EPM2A: variants seen among roughly 807,000 people sequenced by gnomAD.
EPM2A encodes laforin.
In EPM2A, 21 loss-of-function variants were observed where a neutral mutation model predicts 26.5. That is an observed-to-expected ratio of 0.79 (90% confidence interval 0.56 to 1.14). EPM2A has a LOEUF of 1.14. Ranked by LOEUF, EPM2A falls within the 50% of genes most tolerant of loss-of-function variation. The pLI is 0.00. For synonymous variants in EPM2A, 217 were observed against 177.6 expected, an observed-to-expected ratio of 1.22 and a Z score of -1.76; for missense variants, 458 against 440.8, an observed-to-expected ratio of 1.04 and a Z score of -0.35.
exon 4 of EPM2A, chr6:145,501,678 T>A: frequency 2.4e-6 from 1 of 417,458 alleles, no homozygotes; most frequent in South Asian, 1.8e-5. Flanking sequence ...TTACGAAGAT[T>A]GTCCCACTAA....
chr6:145,627,556 C>G lies in EPM2A; in HGVS notation c.856G>C (p.Gly286Arg), dbSNP rs2128556101. 6.2e-7 allele frequency: 1 copy of G among 1,614,270 alleles called. No individual in the cohort carries two copies. The highest frequency in any genetic ancestry group is 8.5e-7 in the Non-Finnish European group (1 of 1,180,046). ...TACTGCACCTTCCTCAGATTCCAGCCCATCACATACTGGAGCCAGCCGCAG... is the reference window on the plus strand; with the variant it reads ...TACTGCACCTTCCTCAGATTCCAGCGCATCACATACTGGAGCCAGCCGCAG... Reference protein sequence around the residue: ...AVCGWLQYVMGWNLRKVQYFL... With the variant: ...AVCGWLQYVMRWNLRKVQYFL... Residue 286 changes from glycine (G) to arginine (R), a missense_variant, in exon 4 of 4, where the codon GGC becomes CGC. Transcript: ENST00000367519.
At chr6:145,529,675 T>C (rs192680467) in intron 2 of EPM2A, among the ~76,000 whole-genome samples, 32 of 152,276 alleles carry the variant, frequency 2.1e-4, no homozygotes, top group Admixed American at 2.0e-3. Flanking sequence ...ATGGCCTGGA[T>C]CCAAACCCAC....
chr6:145,475,495 G>A (rs1305065860), intron 4 of EPM2A, among the ~76,000 whole-genome samples: 1 of 151,984 alleles, frequency 6.6e-6, no homozygotes. Flanking sequence ...GATAGCATTA[G>A]GAGAAATATC....
chr6:145,408,853 T>C (rs1419917699), intron 4 of EPM2A, among the ~76,000 whole-genome samples: 2 of 152,046 alleles, frequency 1.3e-5, no homozygotes, highest in Non-Finnish European at 2.9e-5. Context: ...TTTAGTTGAG[T>C]CCTCTTTTAC....
chr6:145,552,032 T>C (rs920949117), intron 2 of EPM2A, among the ~76,000 whole-genome samples: 4 of 151,768 alleles, frequency 2.6e-5, no homozygotes, highest in African/African-American at 9.7e-5. Flanking sequence ...TAGATTCCTA[T>C]GAATACAGAA....
chr6:145,419,808 A>T (rs1778758743), intron 4 of EPM2A, among the ~76,000 whole-genome samples: 2 of 152,194 alleles, frequency 1.3e-5, no homozygotes, highest in African/African-American at 4.8e-5. Flanking sequence ...TGAATAATTT[A>T]CTAATAATTA....
chr6:145,687,657 T>C (rs702324), intron 1 of EPM2A, among the ~76,000 whole-genome samples: 95,956 of 151,934 alleles, frequency 0.63, 30,794 homozygotes, highest in East Asian at 0.77. Context: ...TTCTTTTCTC[T>C]TTGTTCTGTC....
intron 2 of EPM2A, among the ~76,000 whole-genome samples, chr6:145,548,297 T>A (rs1780611662): frequency 1.3e-5 from 2 of 152,130 alleles, no homozygotes; most frequent in African/African-American, 4.8e-5. Flanking sequence ...TAGAGACTCA[T>A]GAGAAAATGT....
In EPM2A at chr6:145,728,403, T is replaced by C. The variant is rs567059803; in HGVS notation, c.301+6795A>G. Among the ~76,000 whole-genome samples the C allele has an allele frequency of 3.9e-5, 6 of 152,318 alleles. No individual in the cohort carries two copies. The South Asian group carries it at 1.2e-3, about 32-fold the overall frequency. ...TGTGACCAAGATGCTGATACTGATA[T>C]GGACAGTGAAGTCCAGGCTGAGGTG... is the stretch of plus-strand genomic sequence containing the variant. On this transcript the variant is annotated intron_variant, in intron 1 of 3. Transcript: ENST00000367519.
chr6:145,408,957 G>T (rs978862554), intron 4 of EPM2A, among the ~76,000 whole-genome samples: 8 of 152,052 alleles, frequency 5.3e-5, no homozygotes, highest in African/African-American at 1.9e-4. Flanking sequence ...TGGGGTCTAG[G>T]TTTCAACAAA....
At chr6:145,684,069 C>T (rs1014529806) in intron 2 of EPM2A, among the ~76,000 whole-genome samples, 1 of 152,004 alleles carries the variant, frequency 6.6e-6, no homozygotes. Flanking sequence ...TGAATATACT[C>T]ATTCATAAAC....
intron 4 of EPM2A, among the ~76,000 whole-genome samples, chr6:145,403,452 T>A (rs1026661001): frequency 9.2e-6 from 1 of 108,282 alleles, no homozygotes; most frequent in Non-Finnish European, 1.7e-5. Context: ...GTAACCACCC[T>A]CTTACTCTCT....
intron 4 of EPM2A, among the ~76,000 whole-genome samples, chr6:145,462,366 A>G (rs1412606697): frequency 3.9e-5 from 6 of 152,112 alleles, no homozygotes; most frequent in East Asian, 1.9e-4. Context: ...CCCTTTTTGC[A>G]TGAAGTCAAA....
chr6:145,530,766 T>C (rs79991808), intron 2 of EPM2A, among the ~76,000 whole-genome samples: 5,646 of 152,244 alleles, frequency 0.037, 360 homozygotes, highest in African/African-American at 0.12. Flanking sequence ...TAAAATGTGA[T>C]AAATATTATT....
chr6:145,719,883 A>G (rs1448571894), intron 1 of EPM2A, among the ~76,000 whole-genome samples: 1 of 152,152 alleles, frequency 6.6e-6, no homozygotes, highest in African/African-American at 2.4e-5. Context: ...TGAAGGTGCA[A>G]AAGTAATAGA....
At chr6:145,721,321 G>A (rs1031542699) in intron 1 of EPM2A, 2 of 152,184 alleles carry the variant, frequency 1.3e-5, no homozygotes. Flanking sequence ...TGTATGTACT[G>A]GCGGCACTAC....
At position 145,590,172 on chromosome 6, in the gene EPM2A, C is replaced by T. The variant is rs1456777650; in HGVS notation, c.340+45073G>A. On this transcript the variant is annotated intron_variant, in intron 2 of 3. Coordinates refer to the EPM2A transcript ENST00000450221. The stretch of plus-strand genomic sequence containing the variant: ...CTACCATGAGAATGAGAAACTCCTA[C>T]AGGCCACAGTCTTGGGAAAATCTTC... 3.3e-5 allele frequency among the ~76,000 whole-genome samples: 5 copies of T among 152,106 alleles called. No homozygotes were observed. In the South Asian group the frequency reaches 8.3e-4, roughly 25 times the overall value.
intron 2 of EPM2A, among the ~76,000 whole-genome samples, chr6:145,645,803 A>G (rs1777417879): frequency 6.6e-6 from 1 of 152,140 alleles, no homozygotes. Flanking sequence ...CATGTTGCCC[A>G]GGCTGGTCTT....
chr6:145,526,455 C>T (rs1780274871), intron 2 of EPM2A, among the ~76,000 whole-genome samples: 1 of 151,828 alleles, frequency 6.6e-6, no homozygotes, highest in South Asian at 2.1e-4. Context: ...ATTATTATTA[C>T]TGATTCATTT....
Sources: gnomAD v4.1 joint callset for allele counts (sites outside exome capture counted in the v4.1 genomes callset) on GRCh38, gnomAD v4.1.1 for gene constraint, MANE v1.5 for transcripts, NCBI Gene and HGNC (gene_info 2026-07-23, HGNC 2026-07-21) for gene names.